SLC35F3: variants seen among roughly 807,000 people sequenced by gnomAD.
SLC35F3 encodes the protein putative thiamine transporter SLC35F3.
SLC35F3 carries 25 observed loss-of-function variants against 49.9 expected under a neutral mutation model. The observed-to-expected ratio is 0.50, with a 90% confidence interval of 0.37 to 0.70. The LOEUF (loss-of-function observed/expected upper bound fraction) is 0.70. Ranked by LOEUF, SLC35F3 falls within the 30% of genes least tolerant of loss-of-function variation. The pLI, the probability that SLC35F3 is intolerant of heterozygous loss-of-function variation, is 0.00. For synonymous variants in SLC35F3, 275 were observed against 265.4 expected (o/e 1.04, Z -0.35); for missense variants, 525 against 639.8 (o/e 0.82, Z 1.94).
At chr1:234,086,925 G>A (rs1016776656) in intron 2 of SLC35F3, among the ~76,000 whole-genome samples, 1 of 152,178 alleles carries the variant, frequency 6.6e-6, no homozygotes. Context: ...ATTTCTGACA[G>A]GCGTTAGCAA....
chr1:234,080,824 A>G (rs890702824), intron 2 of SLC35F3, among the ~76,000 whole-genome samples: 1 of 152,236 alleles, frequency 6.6e-6, no homozygotes, highest in Non-Finnish European at 1.5e-5. Context: ...GAAATATTTC[A>G]AATAAGATAG....
intron 2 of SLC35F3, among the ~76,000 whole-genome samples, chr1:234,134,943 AC>A (rs1463530778): frequency 1.3e-5 from 2 of 150,754 alleles, no homozygotes; most frequent in Non-Finnish European, 3.0e-5. Flanking sequence ...CTGGTCTTGA[AC>A]TCCTGACCTC....
At chr1:234,048,012 A>G (rs961329270) in intron 2 of SLC35F3, among the ~76,000 whole-genome samples, 3 of 152,156 alleles carry the variant, frequency 2.0e-5, no homozygotes, top group Non-Finnish European at 2.9e-5. Context: ...GAAATGGGGA[A>G]CAAGTTATTG....
intron 2 of SLC35F3, among the ~76,000 whole-genome samples, chr1:234,116,963 C>A (rs1011512060): frequency 1.6e-4 from 24 of 152,180 alleles, no homozygotes; most frequent in African/African-American, 5.8e-4. Flanking sequence ...CTCCAAGGAG[C>A]AATGGTTTAT....
intron 2 of SLC35F3, among the ~76,000 whole-genome samples, chr1:234,000,116 A>G (rs1415596719): frequency 6.6e-6 from 1 of 152,194 alleles, no homozygotes; most frequent in East Asian, 1.9e-4. Context: ...TTTTAAAGTG[A>G]GTATGAATAC....
At chr1:233,905,173 G>A in intron 1 of SLC35F3, 43 bp downstream of exon 1, 1 of 1,547,136 alleles carries the variant, frequency 6.5e-7, no homozygotes, top group Non-Finnish European at 8.7e-7. Context: ...CGGCGGGCGG[G>A]AGGCCGGAGC....
At chr1:234,197,263 A>G (rs768233578) in intron 2 of SLC35F3, among the ~76,000 whole-genome samples, 9 of 152,228 alleles carry the variant, frequency 5.9e-5, no homozygotes, top group Non-Finnish European at 1.3e-4. Context: ...TTGCTGGAAC[A>G]AACAGTAAAC....
At chr1:233,911,106 G>T (rs1333709505) in intron 2 of SLC35F3, among the ~76,000 whole-genome samples, 1 of 152,162 alleles carries the variant, frequency 6.6e-6, no homozygotes, top group African/African-American at 2.4e-5. Context: ...GTTGTAAAGG[G>T]TTTGTATGAG....
intron 2 of SLC35F3, among the ~76,000 whole-genome samples, chr1:234,208,423 A>G (rs1667006114): frequency 6.6e-6 from 1 of 152,200 alleles, no homozygotes; most frequent in Non-Finnish European, 1.5e-5. Flanking sequence ...AAGAAGAGTA[A>G]CAAACCTCCA....
At chr1:233,924,181 C>T (rs1393142306) in intron 2 of SLC35F3, among the ~76,000 whole-genome samples, 1 of 152,156 alleles carries the variant, frequency 6.6e-6, no homozygotes. Flanking sequence ...GGAAAATTCC[C>T]TTTTTTTCTG....
intron 2 of SLC35F3, among the ~76,000 whole-genome samples, chr1:234,219,315 T>G (rs1178734580): frequency 6.6e-6 from 1 of 152,196 alleles, no homozygotes; most frequent in African/African-American, 2.4e-5. Context: ...CCAAGAGGAT[T>G]CTTGAGAAGT....
At chr1:234,253,427 T>C (rs560602416) in intron 3 of SLC35F3, among the ~76,000 whole-genome samples, 1 of 147,772 alleles carries the variant, frequency 6.8e-6, no homozygotes, top group Non-Finnish European at 1.5e-5. Context: ...CTAAGAAATA[T>C]TGTTCAGTGA....
intron 2 of SLC35F3, among the ~76,000 whole-genome samples, chr1:234,015,807 A>T (rs1242026846): frequency 6.6e-6 from 1 of 152,236 alleles, no homozygotes; most frequent in African/African-American, 2.4e-5. Flanking sequence ...AATAAACGGG[A>T]TTACAACAAA....
At chr1:233,979,625 G>A (rs1040637450) in intron 2 of SLC35F3, among the ~76,000 whole-genome samples, 9 of 152,114 alleles carry the variant, frequency 5.9e-5, no homozygotes, top group African/African-American at 2.2e-4. Flanking sequence ...GGTGGGAACT[G>A]CTTAGGCTCC....
intron 3 of SLC35F3, among the ~76,000 whole-genome samples, chr1:234,260,038 G>C (rs1252604575): frequency 6.6e-6 from 1 of 152,126 alleles, no homozygotes; most frequent in African/African-American, 2.4e-5. Context: ...TAGGACAGGT[G>C]GGGAAAGGGT....
intron 2 of SLC35F3, among the ~76,000 whole-genome samples, chr1:234,033,252 A>G (rs1478122447): frequency 1.3e-5 from 2 of 152,052 alleles, no homozygotes; most frequent in Non-Finnish European, 1.5e-5. Flanking sequence ...GATTCTGGAT[A>G]TTAGTCCTTT....
At chr1:234,307,618 C>T (rs1370874230) in intron 3 of SLC35F3, among the ~76,000 whole-genome samples, 4 of 152,178 alleles carry the variant, frequency 2.6e-5, no homozygotes, top group Non-Finnish European at 5.9e-5. Flanking sequence ...CAGAGCTATT[C>T]CCCCAACCTA....
chr1:234,246,749 A>C (rs1361434826), intron 3 of SLC35F3, among the ~76,000 whole-genome samples: 1 of 152,264 alleles, frequency 6.6e-6, no homozygotes, highest in Non-Finnish European at 1.5e-5. Flanking sequence ...CACGTAAAAC[A>C]GAAACAGCCA....
intron 2 of SLC35F3, among the ~76,000 whole-genome samples, chr1:233,985,020 G>GT (rs1227909974): frequency 6.6e-6 from 1 of 152,030 alleles, no homozygotes; most frequent in East Asian, 1.9e-4. Flanking sequence ...GGGTTGGGGG[G>GT]GTGCCCCTAA....
Sources: gnomAD v4.1 joint callset for allele counts (sites outside exome capture counted in the v4.1 genomes callset) on GRCh38, gnomAD v4.1.1 for gene constraint, MANE v1.5 for transcripts, NCBI Gene and HGNC (gene_info 2026-07-23, HGNC 2026-07-21) for gene names.